ATP8A2: variants seen among roughly 807,000 people sequenced by gnomAD.
ATP8A2 encodes phospholipid-transporting ATPase IB.
In ATP8A2, 100 loss-of-function variants were observed where a neutral mutation model predicts 165.6. That is an observed-to-expected ratio of 0.60 (90% CI 0.51 to 0.71). The LOEUF is 0.71. Ranked by LOEUF, ATP8A2 falls within the 30% of genes least tolerant of loss-of-function variation. ATP8A2 has a pLI of 0.00. For missense variants in ATP8A2, 1,227 were observed against 1,479.5 expected (o/e 0.83, Z 2.80); for synonymous variants, 543 against 548.8 (o/e 0.99, Z 0.15).
intron 10 of ATP8A2, among the ~76,000 whole-genome samples, chr13:25,549,864 CT>C (rs2038766155): frequency 6.6e-6 from 1 of 152,144 alleles, no homozygotes; most frequent in Non-Finnish European, 1.5e-5. Context: ...CCACCTCTCC[CT>C]TTGAGCACAA....
chr13:25,840,590 G>A (rs1338268893), intron 30 of ATP8A2, among the ~76,000 whole-genome samples: 1 of 152,138 alleles, frequency 6.6e-6, no homozygotes, highest in Admixed American at 6.5e-5. Flanking sequence ...ACAATTTTAT[G>A]CTTTCTAGCC....
chr13:25,440,375 T>C (rs1486372925), intron 1 of ATP8A2, among the ~76,000 whole-genome samples: 2 of 152,164 alleles, frequency 1.3e-5, no homozygotes, highest in Admixed American at 1.3e-4. Context: ...TCCCTGCCAT[T>C]AGACATTGCT....
chr13:25,462,565 A>C (rs1006018252), intron 1 of ATP8A2, among the ~76,000 whole-genome samples: 1 of 152,088 alleles, frequency 6.6e-6, no homozygotes, highest in Non-Finnish European at 1.5e-5. Flanking sequence ...CCTGAGTTTC[A>C]GTGTCCACAA....
In ATP8A2 at chr13:25,806,205, C is replaced by G. The variant is rs4769438; in HGVS notation, c.2680-21913C>G. Among the ~76,000 whole-genome samples the G allele has an allele frequency of 6.6e-5, 10 of 152,168 alleles. 1 individual carries two copies. In the South Asian group the frequency reaches 2.1e-3, roughly 32 times the overall value. On this transcript the variant is annotated intron_variant, in intron 27 of 36. Transcript: ENST00000381655. ...ACAGCTCTCAAATCCACCTCCCTGC[C>G]GATAAGACTTAGGAATATTTTTGGG...
chr13:26,009,844 T>C (rs1286034530), intron 35 of ATP8A2, among the ~76,000 whole-genome samples: 2 of 152,158 alleles, frequency 1.3e-5, no homozygotes, highest in African/African-American at 4.8e-5. Context: ...AGTGGGCGGA[T>C]CACCTGAGGT....
intron 33 of ATP8A2, among the ~76,000 whole-genome samples, chr13:25,952,276 G>A (rs944353622): frequency 6.6e-5 from 10 of 152,226 alleles, no homozygotes; most frequent in South Asian, 6.2e-4. Context: ...GAATGATTTC[G>A]GGAAATGAAG....
intron 1 of ATP8A2, among the ~76,000 whole-genome samples, chr13:25,381,645 A>G (rs1394366009): frequency 6.6e-6 from 1 of 152,214 alleles, no homozygotes; most frequent in African/African-American, 2.4e-5. Context: ...GATAACTTGT[A>G]TCAGTGTGTG....
At chr13:25,896,580 GAT>G (rs1305751744) in intron 33 of ATP8A2, among the ~76,000 whole-genome samples, 1 of 152,136 alleles carries the variant, frequency 6.6e-6, no homozygotes, top group African/African-American at 2.4e-5. Context: ...TCAATTCCTG[GAT>G]ATGCTTGTTA....
At chr13:25,537,285 A>G (rs1447896363) in intron 6 of ATP8A2, among the ~76,000 whole-genome samples, 4 of 152,064 alleles carry the variant, frequency 2.6e-5, no homozygotes, top group African/African-American at 4.8e-5. Flanking sequence ...TGCACTTTTC[A>G]TGGGTGAATT....
chr13:25,976,140 A>G (rs1820005863), intron 35 of ATP8A2, among the ~76,000 whole-genome samples: 1 of 152,130 alleles, frequency 6.6e-6, no homozygotes, highest in African/African-American at 2.4e-5. Flanking sequence ...ATGTTGCCCA[A>G]GCTGGGCTTG....
At chr13:25,646,192 T>C (rs75490373) in intron 24 of ATP8A2, among the ~76,000 whole-genome samples, 7,633 of 152,258 alleles carry the variant, frequency 0.05, 634 homozygotes, top group African/African-American at 0.17. Context: ...TTTCTAGTTT[T>C]TTACTTATAA....
In ATP8A2 at chr13:25,872,074, C is replaced by T. The variant is rs908511679; in HGVS notation, c.3183+9666C>T. 1.1e-4 allele frequency among the ~76,000 whole-genome samples: 15 copies of T among 135,230 alleles called. 1 individual carries two copies. Among genetic ancestry groups the T allele is most frequent in the Admixed American group, 5.4e-4 (7 of 13,074 alleles). The allele number at this position is 135,230 out of a possible 152,430, so 88.7% of individuals were successfully genotyped here. On this transcript the variant is annotated intron_variant, in intron 33 of 36. Transcript: ENST00000381655. ...CACCCCCCCGCCCTCTTTCGGAATG[C>T]GCATTCAAATGGTGCTGCTTCTGCC...
chr13:25,543,140 A>G (rs1052895071), intron 9 of ATP8A2, 151 bp from the exon 10 acceptor site: 5 of 495,762 alleles, frequency 1.0e-5, no homozygotes, highest in African/African-American at 3.8e-5. Flanking sequence ...GATTAAGCCA[A>G]TGGTAACCTT....
chr13:25,644,517 A>ATTT lies in ATP8A2; in HGVS notation c.2212-54647_2212-54645dup, dbSNP rs35771674. Among the ~76,000 whole-genome samples, 466 of 147,760 alleles carry ATTT rather than the reference A, an allele frequency of 3.2e-3. 2 individuals are homozygous for ATTT. Among genetic ancestry groups the ATTT allele is most frequent in the South Asian group, 0.019 (90 of 4,680 alleles). Reference sequence around the variant, plus strand: ...TTCATCAAGGATATTGGCTTGCAGTATTTTTTTTTTTGTGATGTCCATGTT... The same window carrying ATTT: ...TTCATCAAGGATATTGGCTTGCAGTATTTTTTTTTTTTTTGTGATGTCCATGTT... On this transcript the variant is annotated intron_variant, in intron 24 of 36. Coordinates refer to ENST00000381655, the MANE Select transcript of ATP8A2 (RefSeq NM_016529.6).
chr13:25,591,106 A>G, intron 24 of ATP8A2: 1 of 330,412 alleles, frequency 3.0e-6, no homozygotes. Flanking sequence ...ATTTTTCTCC[A>G]TGGAACCTCT....
intron 33 of ATP8A2, chr13:25,927,329 T>G (rs1308460460): frequency 2.6e-6 from 1 of 387,562 alleles, no homozygotes; most frequent in African/African-American, 2.1e-5. Flanking sequence ...GTTCAGTGTT[T>G]GGTTTTTTTC....
intron 6 of ATP8A2, among the ~76,000 whole-genome samples, chr13:25,536,205 G>T (rs1165466297): frequency 1.3e-5 from 2 of 152,008 alleles, no homozygotes; most frequent in Non-Finnish European, 2.9e-5. Flanking sequence ...TCTGCCTCCT[G>T]GGTTCAAGCG....
intron 1 of ATP8A2, among the ~76,000 whole-genome samples, chr13:25,413,525 G>A (rs2034039746): frequency 6.6e-6 from 1 of 151,934 alleles, no homozygotes; most frequent in South Asian, 2.1e-4. Flanking sequence ...CAGGTGATCT[G>A]CCCGCCTTGG....
At chr13:25,446,997 A>C (rs986903482) in intron 1 of ATP8A2, among the ~76,000 whole-genome samples, 8 of 152,192 alleles carry the variant, frequency 5.3e-5, no homozygotes, top group Admixed American at 2.0e-4. Flanking sequence ...TTGGGATTAC[A>C]GGCATGAACC....
Sources: gnomAD v4.1 joint callset for allele counts (sites outside exome capture counted in the v4.1 genomes callset) on GRCh38, gnomAD v4.1.1 for gene constraint, MANE v1.5 for transcripts, NCBI Gene and HGNC (gene_info 2026-07-23, HGNC 2026-07-21) for gene names.